FAAH2: variants seen among roughly 807,000 people sequenced by gnomAD.
FAAH2 encodes the protein fatty acid amide hydrolase 2.
A neutral mutation model predicts 36.9 loss-of-function variants in FAAH2; 60 were observed. The observed-to-expected ratio is 1.63, with a 90% CI of 1.32 to 2.02. The LOEUF is 2.02. Among genes scored for constraint, FAAH2 ranks in the 30% most tolerant of loss-of-function variants. FAAH2 has a pLI of 0.00. For missense variants in FAAH2, 689 were observed against 397.5 expected (o/e 1.73, Z -6.23); for synonymous variants, 214 against 143.8 (o/e 1.49, Z -3.49).
intron 10 of FAAH2, among the ~76,000 whole-genome samples, chrX:57,452,647 A>G (rs1336572712): frequency 8.9e-6 from 1 of 112,512 alleles, no homozygotes; most frequent in African/African-American, 3.2e-5. Flanking sequence ...TGTTAAACTA[A>G]CAAATACATA....
At chrX:57,440,956 T>C (rs1202555720) in intron 8 of FAAH2, among the ~76,000 whole-genome samples, 2 of 111,868 alleles carry the variant, frequency 1.8e-5, no homozygotes, top group African/African-American at 3.2e-5. Flanking sequence ...TGAAGCCCAC[T>C]TGATCCTGGT....
At chrX:57,202,576 G>A in the FAAH2 span, among the ~76,000 whole-genome samples, 1 of 111,697 alleles carries the variant, frequency 9.0e-6, no homozygotes, top group Admixed American at 9.5e-5. Flanking sequence ...GACTGCATGG[G>A]GACAGAACTG....
chrX:57,160,049 C>A, the FAAH2 span, among the ~76,000 whole-genome samples: 1 of 111,833 alleles, frequency 8.9e-6, no homozygotes, highest in African/African-American at 3.2e-5. Context: ...TAGCATGAAG[C>A]ATTGCTGAAT....
intron 7 of FAAH2, chrX:57,393,591 T>G: frequency 1.1e-6 from 1 of 909,281 alleles, no homozygotes; most frequent in African/African-American, 1.9e-5. Flanking sequence ...TTGGGCTTGA[T>G]TGTGTCCTTC....
rs902391115 is a variant in FAAH2 at position 57,392,769 on chromosome X, G to A, written c.996+11740G>A. 9.8e-6 allele frequency: 6 copies of A among 613,411 alleles called. No homozygotes were observed. In the Admixed American group the frequency reaches 1.1e-4, roughly 11 times the overall value. 50.6% of individuals were successfully genotyped at this position (613,411 alleles called of 1,213,427 possible). A position where few individuals can be genotyped will look rare whatever the true frequency, so the allele number is the denominator to read the frequency against. The stretch of plus-strand genomic sequence containing the variant: ...GTACAGAAAACCAGCCCCGATGCTG[G>A]CATGGATGTTGCGAATGGGCAGAAT... On this transcript the variant is annotated intron_variant, in intron 7 of 10. Coordinates refer to ENST00000374900, the MANE Select transcript of FAAH2 (RefSeq NM_174912.4).
At chrX:57,456,586 A>T (rs1052293109) in intron 10 of FAAH2, among the ~76,000 whole-genome samples, 2 of 112,181 alleles carry the variant, frequency 1.8e-5, no homozygotes, top group African/African-American at 6.5e-5. Flanking sequence ...CCAAATGAGC[A>T]CAATGAGAAA....
the FAAH2 span, among the ~76,000 whole-genome samples, chrX:57,212,536 A>C: frequency 1.8e-5 from 2 of 112,561 alleles, no homozygotes; most frequent in Middle Eastern, 9.2e-3. Context: ...ATAAAACAAA[A>C]CTTCTGAAAA....
At chrX:57,185,290 C>A in the FAAH2 span, among the ~76,000 whole-genome samples, 1 of 110,702 alleles carries the variant, frequency 9.0e-6, no homozygotes, top group Non-Finnish European at 1.9e-5. Context: ...TCAATGAATT[C>A]AACTGTTTTG....
intron 7 of FAAH2, 103 bp downstream of exon 7, chrX:57,381,132 G>C: frequency 1.8e-6 from 1 of 570,354 alleles, no homozygotes; most frequent in Middle Eastern, 3.9e-4. Flanking sequence ...GTCAGCATAC[G>C]GAATTAAGGT....
intron 5 of FAAH2, among the ~76,000 whole-genome samples, chrX:57,346,786 C>A (rs2053833406): frequency 9.0e-6 from 1 of 111,604 alleles, no homozygotes; most frequent in Admixed American, 9.6e-5. Flanking sequence ...TGGTAACACA[C>A]TTCATCTGGG....
chrX:57,355,649 C>T (rs1212580298), intron 5 of FAAH2, among the ~76,000 whole-genome samples: 1 of 110,743 alleles, frequency 9.0e-6, no homozygotes, highest in Non-Finnish European at 1.9e-5. Context: ...TAACTATTAA[C>T]TTCTTCGAAT....
intron 10 of FAAH2, among the ~76,000 whole-genome samples, chrX:57,461,077 G>T (rs1391563722): frequency 9.1e-6 from 1 of 110,495 alleles, no homozygotes; most frequent in Non-Finnish European, 1.9e-5. Flanking sequence ...ATGGTAAAAT[G>T]ATCAATGTAA....
intron 5 of FAAH2, among the ~76,000 whole-genome samples, chrX:57,368,276 A>G (rs781149199): frequency 9.5e-6 from 1 of 105,550 alleles, no homozygotes; most frequent in East Asian, 3.0e-4. Flanking sequence ...CACAGCACAG[A>G]AGCTGAGTAC....
chrX:57,403,751 A>G (rs756570460), intron 7 of FAAH2, among the ~76,000 whole-genome samples: 2 of 112,001 alleles, frequency 1.8e-5, no homozygotes, highest in African/African-American at 6.5e-5. Flanking sequence ...TTTTTTCTCA[A>G]TCACCTGGGA....
intron 2 of FAAH2, among the ~76,000 whole-genome samples, chrX:57,309,829 T>C (rs2052641551): frequency 1.8e-5 from 2 of 112,119 alleles, no homozygotes; most frequent in South Asian, 3.7e-4. Flanking sequence ...CAGTCTACCA[T>C]TGATGAGAAT....
intron 7 of FAAH2, 39 bp from the exon 8 acceptor site, chrX:57,431,879 T>C: frequency 1.8e-6 from 2 of 1,101,376 alleles, no homozygotes; most frequent in Non-Finnish European, 1.2e-6. Context: ...TCTCCTCTTC[T>C]CATCATGTTT....
chrX:57,334,266 T>TCACACACACA (rs1491098492), intron 4 of FAAH2, among the ~76,000 whole-genome samples: 11 of 8,137 alleles, frequency 1.4e-3, no homozygotes, highest in Non-Finnish European at 4.5e-3. Flanking sequence ...GGAGATTCCG[T>TCACACACACA]CTCACACACA....
chrX:57,122,573 T>TA, the FAAH2 span, among the ~76,000 whole-genome samples: 1 of 112,571 alleles, frequency 8.9e-6, no homozygotes, highest in East Asian at 2.7e-4. Flanking sequence ...AATAATTATT[T>TA]AAATATTTTG....
At chrX:57,179,756 G>A in the FAAH2 span, among the ~76,000 whole-genome samples, 3 of 111,285 alleles carry the variant, frequency 2.7e-5, no homozygotes, top group South Asian at 3.7e-4. Context: ...ACCCAGCACT[G>A]GACCAAATGG....
Sources: gnomAD v4.1 joint callset for allele counts (sites outside exome capture counted in the v4.1 genomes callset) on GRCh38, gnomAD v4.1.1 for gene constraint, MANE v1.5 for transcripts, NCBI Gene and HGNC (gene_info 2026-07-23, HGNC 2026-07-21) for gene names.